RERE: variants seen among roughly 807,000 people sequenced by gnomAD.
RERE encodes the protein arginine-glutamic acid dipeptide repeats protein.
A neutral mutation model predicts 146.1 loss-of-function variants in RERE; 40 were observed. The observed-to-expected ratio is 0.27, with a 90% confidence interval of 0.21 to 0.36. The LOEUF is 0.36. Among genes scored for constraint, RERE ranks in the 10% least tolerant of loss-of-function variants. The pLI is 1.00. For missense variants in RERE, 1,933 were observed against 2,138.7 expected (o/e 0.90, Z 1.90); for synonymous variants, 1,003 against 866.0 (o/e 1.16, Z -2.78).
At chr1:8,460,573 T>C (rs969990968) in intron 11 of RERE, among the ~76,000 whole-genome samples, 7 of 152,210 alleles carry the variant, frequency 4.6e-5, no homozygotes, top group Non-Finnish European at 8.8e-5. Flanking sequence ...TATTTTTGGA[T>C]AAAAATTTCA....
At chr1:8,635,124 T>C (rs918120259) in intron 2 of RERE, among the ~76,000 whole-genome samples, 2 of 152,120 alleles carry the variant, frequency 1.3e-5, no homozygotes, top group Non-Finnish European at 2.9e-5. Context: ...TTTAAAGATC[T>C]TCAGCCCACT....
At chr1:8,673,065 T>C (rs1483368276) in intron 1 of RERE, among the ~76,000 whole-genome samples, 2 of 152,138 alleles carry the variant, frequency 1.3e-5, no homozygotes, top group African/African-American at 2.4e-5. Context: ...AAGAATAAAA[T>C]AACTTTTATC....
intron 12 of RERE, among the ~76,000 whole-genome samples, chr1:8,409,004 AT>A (rs1347234627): frequency 6.6e-6 from 1 of 152,184 alleles, no homozygotes; most frequent in African/African-American, 2.4e-5. Context: ...TTTCTTCTAC[AT>A]TTATTCCTTG....
chr1:8,568,212 A>G (rs1377742804), intron 4 of RERE, among the ~76,000 whole-genome samples: 1 of 152,194 alleles, frequency 6.6e-6, no homozygotes, highest in Non-Finnish European at 1.5e-5. Flanking sequence ...TTTGGACATC[A>G]GAACTCTAGG....
Position 8,731,885 on chromosome 1 carries a change from C to T in RERE, c.-144-75444G>A, listed in dbSNP as rs550966731. ...TGGCACGATCTCGACTCACTGCAAG[C>T]TCTGCCTCCTGGTTTCATGCCATTC... On this transcript the variant is annotated intron_variant, in intron 1 of 22. Coordinates refer to ENST00000400908, the MANE Select transcript of RERE (RefSeq NM_001042681.2). Among the ~76,000 whole-genome samples, 12 of 152,306 alleles carry T rather than the reference C, an allele frequency of 7.9e-5. No homozygotes were observed. The East Asian group carries it at 2.1e-3, about 27-fold the overall frequency.
intron 7 of RERE, among the ~76,000 whole-genome samples, chr1:8,516,577 C>T (rs779618334): frequency 6.6e-6 from 1 of 152,080 alleles, no homozygotes; most frequent in Non-Finnish European, 1.5e-5. Flanking sequence ...AGAGACGTTA[C>T]GCAGTTGCCC....
chr1:8,361,663 C>G (rs1641586989), intron 17 of RERE, 100 bp downstream of exon 17: 3 of 1,336,838 alleles, frequency 2.2e-6, no homozygotes, highest in Non-Finnish European at 3.2e-6. Context: ...CCAGCCCCAC[C>G]CTAGGAGACA....
intron 7 of RERE, among the ~76,000 whole-genome samples, chr1:8,513,771 ACT>A (rs1173576189): frequency 1.3e-5 from 2 of 152,104 alleles, no homozygotes; most frequent in Admixed American, 6.6e-5. Context: ...CAAGAGCGAA[ACT>A]CTGTCTCAAA....
intron 1 of RERE, among the ~76,000 whole-genome samples, chr1:8,689,722 G>T (rs1329155647): frequency 6.7e-6 from 1 of 149,558 alleles, no homozygotes; most frequent in Non-Finnish European, 1.5e-5. Context: ...TAAGCAAAGC[G>T]ATTATAAGAC....
Position 8,555,797 on chromosome 1 carries a change from T to C in RERE, c.725+678A>G, listed in dbSNP as rs143399655. Among the ~76,000 whole-genome samples, 108 of 152,280 alleles carry C rather than the reference T, an allele frequency of 7.1e-4. No individual in the cohort carries two copies. In the East Asian group the frequency reaches 8.1e-3, roughly 11 times the overall value. On this transcript the variant is annotated intron_variant, in intron 6 of 22. Coordinates refer to ENST00000400908, the MANE Select transcript of RERE (RefSeq NM_001042681.2). The stretch of plus-strand genomic sequence containing the variant: ...CCCAAAGATGCAAATGTCATGGTCA[T>C]TTTTTTGACATAATTTCTGAAGACA...
At chr1:8,382,459 T>A (rs1040601080) in intron 12 of RERE, among the ~76,000 whole-genome samples, 1 of 152,266 alleles carries the variant, frequency 6.6e-6, no homozygotes, top group South Asian at 2.1e-4. Context: ...TGCGTGTGCA[T>A]GAGAGAGCGC....
intron 2 of RERE, among the ~76,000 whole-genome samples, chr1:8,644,413 G>A (rs534194775): frequency 6.6e-6 from 1 of 152,166 alleles, no homozygotes; most frequent in East Asian, 1.9e-4. Flanking sequence ...AGGTTTTGGA[G>A]GCTTTTTTCC....
rs191720108 is a variant in RERE, at chr1:8,749,425, C to A, written c.-145+67735G>T. 2.2e-3 allele frequency among the ~76,000 whole-genome samples: 332 copies of A among 150,122 alleles called. 1 individual carries two copies. Among genetic ancestry groups the A allele is most frequent in the African/African-American group, 7.9e-3 (323 of 40,860 alleles). On this transcript the variant is annotated intron_variant, in intron 1 of 22. Coordinates refer to ENST00000400908, the MANE Select transcript of RERE (RefSeq NM_001042681.2). ...AAAATGAAAACAACACAATTTTGCTCTGGAAAAAAAAAAAAGGATAAGGTG... is the reference window on the plus strand; with the variant it reads ...AAAATGAAAACAACACAATTTTGCTATGGAAAAAAAAAAAAGGATAAGGTG...
At chr1:8,615,956 G>GTGATAGTA (rs1553122431) in intron 3 of RERE, among the ~76,000 whole-genome samples, 1 of 152,146 alleles carries the variant, frequency 6.6e-6, no homozygotes, top group African/African-American at 2.4e-5. Flanking sequence ...CATGGCCTCA[G>GTGATAGTA]TGATAGTATA....
At chr1:8,586,771 A>G (rs902762041) in intron 4 of RERE, among the ~76,000 whole-genome samples, 1 of 137,390 alleles carries the variant, frequency 7.3e-6, no homozygotes, top group Non-Finnish European at 1.6e-5. Flanking sequence ...AATAGCATCC[A>G]AACCAAAAGA....
At chr1:8,725,142 C>T (rs1353333322) in intron 1 of RERE, among the ~76,000 whole-genome samples, 1 of 152,166 alleles carries the variant, frequency 6.6e-6, no homozygotes, top group East Asian at 1.9e-4. Flanking sequence ...TAATCAAAGG[C>T]AATACATGAT....
At chr1:8,373,360 T>C (rs1459365709) in intron 12 of RERE, among the ~76,000 whole-genome samples, 2 of 152,208 alleles carry the variant, frequency 1.3e-5, no homozygotes, top group African/African-American at 4.8e-5. Context: ...ACAGTGAGCA[T>C]CTGGCTCCTT....
chr1:8,404,791 G>A (rs1474159265), intron 12 of RERE, among the ~76,000 whole-genome samples: 1 of 152,194 alleles, frequency 6.6e-6, no homozygotes. Context: ...GGTGCCAACC[G>A]TGTCAGGGCG....
At chr1:8,419,273 G>A (rs1358856660) in intron 12 of RERE, among the ~76,000 whole-genome samples, 1 of 152,128 alleles carries the variant, frequency 6.6e-6, no homozygotes, top group Admixed American at 6.5e-5. Flanking sequence ...ATAAACAGTT[G>A]GGTTTTCCGC....
Sources: gnomAD v4.1 joint callset for allele counts (sites outside exome capture counted in the v4.1 genomes callset) on GRCh38, gnomAD v4.1.1 for gene constraint, MANE v1.5 for transcripts, NCBI Gene and HGNC (gene_info 2026-07-23, HGNC 2026-07-21) for gene names.